The following TANC2 variants were observed in gnomAD, a reference collection of about 807,000 sequenced individuals.
TANC2 encodes the protein protein TANC2.
Under a neutral mutation model 210.5 loss-of-function variants are expected in TANC2, and 26 were observed. The ratio of observed to expected loss-of-function variants is 0.12; its 90% confidence interval spans 0.09 to 0.17. The LOEUF is 0.17. TANC2 is among the 10% of genes least tolerant of loss of function. The pLI, the probability that TANC2 is intolerant of heterozygous loss-of-function variation, is 1.00. For missense variants in TANC2, 2,129 were observed against 2,608.9 expected (o/e 0.82, Z 4.01); for synonymous variants, 931 against 967.1 (o/e 0.96, Z 0.69).
intron 5 of TANC2, among the ~76,000 whole-genome samples, chr17:63,159,396 A>T (rs987548079): frequency 2.2e-4 from 33 of 152,326 alleles, no homozygotes; most frequent in African/African-American, 7.9e-4. Flanking sequence ...TTAAAAAGTT[A>T]TCCGTATTAT....
chr17:63,098,460 A>T lies in TANC2; in HGVS notation c.140-715A>T, dbSNP rs1348191086. Among the ~76,000 whole-genome samples the T allele has an allele frequency of 1.5e-3, 75 of 50,848 alleles. 1 individual carries two copies. The highest frequency in any genetic ancestry group is 7.9e-3 in the Middle Eastern group (1 of 126). 33.4% of individuals were successfully genotyped at this position (50,848 alleles called of 152,430 possible). A position where few individuals can be genotyped will look rare whatever the true frequency, so the allele number is the denominator to read the frequency against. On this transcript the variant is annotated intron_variant, in intron 3 of 27. Transcript: ENST00000689528. ...CACACACACACACACACACACACAC[A>T]CACACACACACACACACACATACAC...
At chr17:63,037,851 T>A (rs2035034844) in intron 2 of TANC2, among the ~76,000 whole-genome samples, 1 of 152,160 alleles carries the variant, frequency 6.6e-6, no homozygotes. Flanking sequence ...ATTTTTTTTT[T>A]ACTTTGTATC....
intron 2 of TANC2, among the ~76,000 whole-genome samples, chr17:63,063,523 G>T (rs1308595388): frequency 6.8e-6 from 1 of 146,060 alleles, no homozygotes; most frequent in Non-Finnish European, 1.5e-5. Context: ...CAGAAACTGG[G>T]ACAAAGACGT....
chr17:63,018,302 C>T (rs182589644), intron 2 of TANC2, among the ~76,000 whole-genome samples: 11 of 151,762 alleles, frequency 7.2e-5, no homozygotes, highest in Non-Finnish European at 1.6e-4. Context: ...ACCAACCTGG[C>T]CAACGTGGAG....
chr17:63,359,432 C>T (rs1031533531), intron 14 of TANC2, among the ~76,000 whole-genome samples: 4 of 151,814 alleles, frequency 2.6e-5, no homozygotes, highest in Non-Finnish European at 5.9e-5. Context: ...CAACCTCTGC[C>T]TCCTGAGTTC....
Position 63,317,330 on chromosome 17 carries a change from T to C in TANC2, c.1442-1627T>C, listed in dbSNP as rs2045348909. ...CCAGCCCGCCCCCCTCCTTGTCATT[T>C]CCCTGGAAAGGTATAGAAAAGCTGT... On this transcript the variant is annotated intron_variant, in intron 10 of 27. Coordinates refer to ENST00000689528, the Ensembl canonical transcript of TANC2. 2.3e-5 allele frequency among the ~76,000 whole-genome samples: 3 copies of C among 129,890 alleles called. No individual in the cohort carries two copies. The South Asian group carries it at 8.6e-4, about 37-fold the overall frequency. 85.2% of individuals were successfully genotyped at this position (129,890 alleles called of 152,430 possible).
intron 7 of TANC2, among the ~76,000 whole-genome samples, chr17:63,221,641 A>G (rs940425471): frequency 1.3e-5 from 2 of 152,208 alleles, no homozygotes; most frequent in Admixed American, 6.5e-5. Context: ...AAAGCATATG[A>G]ATAACAAGAG....
Position 62,966,727 on chromosome 17 carries a change from C to G in TANC2, c.-46C>G, listed in dbSNP as rs891083324. ...GGGACTGGGGCTTGACCCGGAGGTG[C>G]AGAGAGCCCCTCAGAGCGGCAGGTA... On this transcript the variant is annotated 5_prime_UTR_variant, in exon 1 of 28. Transcript: ENST00000689528. This position sits in a 1 kb window ranked among gnomAD's most constrained non-coding sequence, Gnocchi z 5.1. The G allele has an allele frequency of 1.3e-5, 2 of 152,448 alleles. No homozygotes were observed. Among genetic ancestry groups the G allele is most frequent in the Middle Eastern group, 3.4e-3 (1 of 296 alleles). The allele number at this position is 152,448 out of a possible 1,614,324, so 9.4% of individuals were successfully genotyped here.
exon 11 of TANC2, chr17:63,319,011 C>A: frequency 6.2e-7 from 1 of 1,613,668 alleles, no homozygotes; most frequent in African/African-American, 1.3e-5. Flanking sequence ...GCCCACTCAT[C>A]TATCACCAGT....
Position 63,068,069 on chromosome 17 carries a change from G to A in TANC2, c.68-5874G>A, listed in dbSNP as rs148624042. ...AGAAAAAGTCTTGAAAGCAGCCCGA[G>A]AGAAATAACACATTACCTAGAGGGG... is the stretch of plus-strand genomic sequence containing the variant. On this transcript the variant is annotated intron_variant, in intron 2 of 27. Coordinates refer to ENST00000689528, the Ensembl canonical transcript of TANC2. 5.5e-4 allele frequency among the ~76,000 whole-genome samples: 84 copies of A among 152,234 alleles called. 3 individuals are homozygous for A. The East Asian group carries it at 0.015, about 27-fold the overall frequency.
chr17:63,304,873 C>T (rs2044845605), intron 9 of TANC2, among the ~76,000 whole-genome samples: 1 of 152,216 alleles, frequency 6.6e-6, no homozygotes, highest in African/African-American at 2.4e-5. Flanking sequence ...TCTGCCACAG[C>T]CAGTGTGTTC....
chr17:63,017,461 T>C (rs73339690), intron 2 of TANC2, among the ~76,000 whole-genome samples: 7,882 of 152,286 alleles, frequency 0.052, 317 homozygotes, highest in African/African-American at 0.11. Flanking sequence ...ACTGTTCTGT[T>C]GTATAGGATT....
chr17:62,975,311 G>C (rs904725000), intron 1 of TANC2, among the ~76,000 whole-genome samples: 1 of 152,048 alleles, frequency 6.6e-6, no homozygotes, highest in African/African-American at 2.4e-5. Context: ...AGCTAGTTAG[G>C]TTATAGGTTA....
At chr17:63,286,482 T>C (rs966053863) in intron 9 of TANC2, among the ~76,000 whole-genome samples, 3 of 152,202 alleles carry the variant, frequency 2.0e-5, no homozygotes, top group African/African-American at 7.2e-5. Flanking sequence ...TCTGCTGTCA[T>C]TCTTTCCTTT....
At chr17:63,068,726 A>G (rs951780194) in intron 2 of TANC2, among the ~76,000 whole-genome samples, 4 of 152,166 alleles carry the variant, frequency 2.6e-5, no homozygotes, top group African/African-American at 7.2e-5. Flanking sequence ...GTGGAGGCAT[A>G]TATATGTAAT....
In TANC2 at chr17:63,018,591, A is replaced by AAAACTGTATAGT. The variant is rs1291034684; in HGVS notation, c.67+8967_67+8978dup. On this transcript the variant is annotated intron_variant, in intron 2 of 27. Coordinates refer to ENST00000689528, the Ensembl canonical transcript of TANC2. ...GGTTCCCCCAGTGGTAATCTCTTAC[A>AAAACTGTATAGT]AAACTGTATAGTATAATATCACAAT... Among the ~76,000 whole-genome samples the AAAACTGTATAGT allele has an allele frequency of 2.6e-5, 4 of 152,364 alleles. No homozygotes were observed. The East Asian group carries it at 7.7e-4, about 29-fold the overall frequency.
chr17:63,411,973 C>G (rs769003826), intron 22 of TANC2, 25 bp from the exon 23 acceptor site: 30 of 1,613,330 alleles, frequency 1.9e-5, no homozygotes, highest in Non-Finnish European at 2.5e-5. Context: ...CCTGTCCTAA[C>G]TTCTCTGCTT....
At chr17:63,406,560 A>G (rs181262575) in intron 21 of TANC2, among the ~76,000 whole-genome samples, 4 of 152,322 alleles carry the variant, frequency 2.6e-5, no homozygotes, top group African/African-American at 7.2e-5. Context: ...TATATACTCA[A>G]TAAATGTTCA....
At chr17:63,257,466 T>C (rs560153681) in intron 8 of TANC2, among the ~76,000 whole-genome samples, 4 of 151,644 alleles carry the variant, frequency 2.6e-5, no homozygotes, top group Non-Finnish European at 4.4e-5. Flanking sequence ...CAAGTGATCC[T>C]CCCACCTCAG....
Sources: allele counts gnomAD v4.1 joint callset (sites outside exome capture counted in the v4.1 genomes callset), GRCh38; gene constraint gnomAD v4.1.1; non-coding constraint Gnocchi (gnomAD v3.1); transcripts MANE v1.5; gene names NCBI Gene and HGNC (gene_info 2026-07-23, HGNC 2026-07-21).